Variants in MYO15B observed in about 807,000 individuals in gnomAD.
MYO15B encodes myosin XVB pseudogene.
In MYO15B, 207 loss-of-function variants were observed where a neutral mutation model predicts 119.3. That is an observed-to-expected ratio of 1.73 (90% CI 1.55 to 1.95). MYO15B has a LOEUF of 1.95. Among genes scored for constraint, MYO15B ranks in the 30% most tolerant of loss-of-function variants. The pLI is 0.00. For synonymous variants in MYO15B, 966 were observed against 498.9 expected, an observed-to-expected ratio of 1.94 and a Z score of -12.48; for missense variants, 2,264 against 1,203.1, an observed-to-expected ratio of 1.88 and a Z score of -13.04.
exon 15 of MYO15B, chr17:75,601,510 C>A (rs763315747): frequency 2.8e-6 from 2 of 703,038 alleles, no homozygotes; most frequent in East Asian, 5.4e-5. Context: ...CAAGCCCCGG[C>A]TGCCCCTGCC....
At chr17:75,616,333 G>A in exon 38 of MYO15B, 1 of 609,446 alleles carries the variant, frequency 1.6e-6, no homozygotes. Context: ...ATCACAGTGA[G>A]GACGATGAAG....
Position 75,589,683 on chromosome 17 carries a change from G to C in MYO15B, c.1626G>C (p.Lys542Asn), listed in dbSNP as rs1333234961. ...AGGAGGACGAGACTCCAGATCCCAA[G>C]TTCGCGGTCGTGTTCCCCAGGATCC... The change falls in exon 1 of 64, where the codon AAG becomes AAC. Residue 542 changes from lysine to asparagine, a missense_variant. By Grantham distance (94) the Lys-to-Asn change is moderately conservative. Transcript: ENST00000645453. This position sits in a 1 kb window ranked among gnomAD's most constrained non-coding sequence, Gnocchi z 4.2. 13 of 398,758 alleles carry C rather than the reference G, an allele frequency of 3.3e-5. No homozygotes were observed. The highest frequency in any genetic ancestry group is 5.8e-5 in the Non-Finnish European group (13 of 226,056). The allele number at this position is 398,758 out of a possible 1,614,324, so 24.7% of individuals were successfully genotyped here. A position where few individuals can be genotyped will look rare whatever the true frequency, so the allele number is the denominator to read the frequency against.
At chr17:75,614,525 C>T in intron 30 of MYO15B, 58 bp from the exon 31 acceptor site, 1 of 691,590 alleles carries the variant, frequency 1.4e-6, no homozygotes, top group African/African-American at 1.7e-5. Flanking sequence ...ACCTCTTGCC[C>T]CAGCCTGGGT....
intron 43 of MYO15B, among the ~76,000 whole-genome samples, chr17:75,618,597 C>T (rs2058518241): frequency 6.6e-6 from 1 of 152,182 alleles, no homozygotes; most frequent in Non-Finnish European, 1.5e-5. Context: ...TGTAGTGAGC[C>T]GAGATTGTGC....
intron 12 of MYO15B, 81 bp downstream of exon 12, chr17:75,595,053 C>A: frequency 1.5e-6 from 1 of 676,348 alleles, no homozygotes; most frequent in Admixed American, 2.1e-5. Flanking sequence ...AGCTCCAGCT[C>A]TCCCTGGGGG....
At chr17:75,625,973 C>T in exon 62 of MYO15B, 2 of 701,928 alleles carry the variant, frequency 2.8e-6, no homozygotes, top group Non-Finnish European at 2.6e-6. Context: ...GACCCCAGCT[C>T]CCAGGTGGGC....
chr17:75,594,693 C>T lies in MYO15B; in HGVS notation c.3106-8C>T. The T allele has an allele frequency of 1.4e-6, 1 of 703,024 alleles. No individual in the cohort carries two copies. The highest frequency in any genetic ancestry group is 2.6e-6 in the Non-Finnish European group (1 of 384,958). The allele number at this position is 703,024 out of a possible 1,614,324, so 43.5% of individuals were successfully genotyped here. On this transcript the variant is annotated splice_polypyrimidine_tract_variant and splice_region_variant and intron_variant, in intron 10 of 63. Transcript: ENST00000645453. ...TGACACACCAGCTGTGCCTCCTCTG[C>T]CCTCCAGGAGACGCCCTATGGCCAG... is the stretch of plus-strand genomic sequence containing the variant.
chr17:75,602,633 C>T (rs1389710187), intron 16 of MYO15B, 39 bp downstream of exon 16: 1 of 636,018 alleles, frequency 1.6e-6, no homozygotes, highest in East Asian at 2.7e-5. Context: ...CCGCTCCATA[C>T]TCTGTCCCCC....
rs544533932 is a variant in MYO15B, at chr17:75,591,033, C to T, written c.2360+17C>T. 109 of 648,758 alleles carry T rather than the reference C, an allele frequency of 1.7e-4. No individual in the cohort carries two copies. The African/African-American group carries it at 1.8e-3, about 11-fold the overall frequency. The allele number at this position is 648,758 out of a possible 1,614,324, so 40.2% of individuals were successfully genotyped here. A position where few individuals can be genotyped will look rare whatever the true frequency, so the allele number is the denominator to read the frequency against. On this transcript the variant is annotated intron_variant, in intron 3 of 63. Transcript: ENST00000645453. ...CACCACTCCGTATGTGACTCTGCCC[C>T]ACTGACCCTCTGCTCACCTCCCAGG...
chr17:75,611,939 C>T (rs963432252), exon 25 of MYO15B: 8 of 702,910 alleles, frequency 1.1e-5, no homozygotes, highest in Non-Finnish European at 1.8e-5. Context: ...GCCTGAGGTT[C>T]CTGCCCGGCC....
chr17:75,596,539 T>C (rs961623093), exon 13 of MYO15B: 4 of 703,046 alleles, frequency 5.7e-6, no homozygotes, highest in Non-Finnish European at 7.8e-6. Context: ...AGCCAGATGC[T>C]GCTGGCCCAG....
At chr17:75,613,556 C>T in intron 28 of MYO15B, 85 bp downstream of exon 28, 2 of 644,296 alleles carry the variant, frequency 3.1e-6, no homozygotes, top group Non-Finnish European at 5.6e-6. Context: ...CCCTTCCTGC[C>T]CCAGTCTTCC....
intron 21 of MYO15B, among the ~76,000 whole-genome samples, chr17:75,607,362 T>G (rs1327968949): frequency 6.6e-6 from 1 of 152,014 alleles, no homozygotes; most frequent in Non-Finnish European, 1.5e-5. Context: ...AACATAATGT[T>G]TCAAAGTTCA....
intron 21 of MYO15B, chr17:75,607,191 A>G: frequency 2.6e-6 from 1 of 379,802 alleles, no homozygotes; most frequent in East Asian, 3.7e-5. Flanking sequence ...TCATCCCGCA[A>G]ACAGAAACTC....
At chr17:75,588,788 C>A (rs2056222767) in exon 1 of MYO15B, 2 of 398,486 alleles carry the variant, frequency 5.0e-6, no homozygotes, top group Non-Finnish European at 8.9e-6. Flanking sequence ...GACTCGAGTC[C>A]GCTGGGGACC....
chr17:75,614,252 C>A (rs1469769544), exon 30 of MYO15B: 1 of 702,848 alleles, frequency 1.4e-6, no homozygotes, highest in Non-Finnish European at 2.6e-6. Flanking sequence ...TCCAGGGACG[C>A]ATGGCAGGAC....
chr17:75,615,470 G>A (rs956317888), intron 34 of MYO15B, 33 bp from the exon 35 acceptor site: 15 of 677,174 alleles, frequency 2.2e-5, no homozygotes, highest in East Asian at 5.4e-5. Context: ...TGGCCATGGT[G>A]CCCACCACTC....
chr17:75,620,869 AG>A, intron 49 of MYO15B, 161 bp from the exon 50 acceptor site: 1 of 701,754 alleles, frequency 1.4e-6, no homozygotes, highest in Non-Finnish European at 2.6e-6. Context: ...CGTGGTACTT[AG>A]TTCAAGGCTG....
intron 53 of MYO15B, among the ~76,000 whole-genome samples, chr17:75,622,801 G>C (rs547950543): frequency 8.9e-4 from 135 of 152,296 alleles, no homozygotes; most frequent in Non-Finnish European, 1.5e-3. Context: ...CTGTCTTCAA[G>C]GAGCAGGTCT....
Sources: allele counts gnomAD v4.1 joint callset (sites outside exome capture counted in the v4.1 genomes callset), GRCh38; gene constraint gnomAD v4.1.1; non-coding constraint Gnocchi (gnomAD v3.1); transcripts MANE v1.5; gene names NCBI Gene and HGNC (gene_info 2026-07-23, HGNC 2026-07-21).